NELL2: variants seen among roughly 807,000 people sequenced by gnomAD.
NELL2 encodes protein kinase C-binding protein NELL2.
NELL2 carries 41 observed loss-of-function variants against 109.6 expected under a neutral mutation model. The ratio of observed to expected loss-of-function variants is 0.37; its 90% CI spans 0.29 to 0.49. The LOEUF (loss-of-function observed/expected upper bound fraction) is 0.49, where lower values mean the gene tolerates loss of function less well. NELL2 is among the 20% of genes least tolerant of loss of function. The probability of loss-of-function intolerance (pLI) is 0.98; values close to 1 mark genes in which losing one functional copy is unlikely to be tolerated. For missense variants in NELL2, 900 were observed against 1,008.3 expected (o/e 0.89, Z 1.45); for synonymous variants, 355 against 344.7 (o/e 1.03, Z -0.33).
At chr12:44,561,044 A>G (rs1313453711) in intron 15 of NELL2, among the ~76,000 whole-genome samples, 1 of 152,184 alleles carries the variant, frequency 6.6e-6, no homozygotes, top group Non-Finnish European at 1.5e-5. Context: ...ATCAATAAAC[A>G]TAATCCATCA....
rs190558779 is a variant in NELL2 at position 44,911,814 on chromosome 12, G to T, written c.38+1985C>A. Among the ~76,000 whole-genome samples, 1,136 of 151,796 alleles carry T rather than the reference G, an allele frequency of 7.5e-3. 11 individuals are homozygous for T. The highest frequency in any genetic ancestry group is 0.014 in the Non-Finnish European group (953 of 67,860). On this transcript the variant is annotated intron_variant, in intron 1 of 20. Transcript: ENST00000333837. The stretch of plus-strand genomic sequence containing the variant: ...AATTCTAGGGGACCAAAAAGGAGGT[G>T]GTGACTAAATCTTTCTGTGAGAGTC...
chr12:44,587,922 C>A (rs148905801), intron 15 of NELL2, among the ~76,000 whole-genome samples: 13 of 152,100 alleles, frequency 8.5e-5, no homozygotes, highest in African/African-American at 3.1e-4. Flanking sequence ...GAGGCCAAGG[C>A]GGGCGGATCA....
intron 13 of NELL2, among the ~76,000 whole-genome samples, chr12:44,616,287 T>C (rs1015577612): frequency 2.0e-5 from 3 of 152,208 alleles, no homozygotes; most frequent in African/African-American, 7.2e-5. Context: ...CATCTTCTAC[T>C]CTTCTGTTCA....
In NELL2 at chr12:44,818,735, TTTTA is replaced by T. The variant is rs758556386; in HGVS notation, c.185-2603_185-2600del. Among the ~76,000 whole-genome samples the T allele has an allele frequency of 8.5e-3, 746 of 87,362 alleles. 70 individuals are homozygous for T. Among genetic ancestry groups the T allele is most frequent in the East Asian group, 0.03 (79 of 2,612 alleles). The allele number at this position is 87,362 out of a possible 152,430, so 57.3% of individuals were successfully genotyped here. ...ATATTTTGTTCACTTATTTTTTTTT[TTTTA>T]TTTTTTTTTTTTTTGAGACGGAGTC... On this transcript the variant is annotated intron_variant, in intron 2 of 19. Transcript: ENST00000429094.
chr12:44,856,868 C>A (rs1592662481), intron 2 of NELL2, among the ~76,000 whole-genome samples: 2 of 152,230 alleles, frequency 1.3e-5, no homozygotes, highest in Non-Finnish European at 2.9e-5. Context: ...ATCACTCTGG[C>A]AACTATGTGA....
chr12:44,876,112 G>A lies in NELL2; in HGVS notation c.-243C>T. 1 of 1,322,876 alleles carries A rather than the reference G, an allele frequency of 7.6e-7. No individual in the cohort carries two copies. The highest frequency in any genetic ancestry group is 9.6e-7 in the Non-Finnish European group (1 of 1,036,774). The allele number at this position is 1,322,876 out of a possible 1,614,324, so 81.9% of individuals were successfully genotyped here. A position where few individuals can be genotyped will look rare whatever the true frequency, so the allele number is the denominator to read the frequency against. The stretch of plus-strand genomic sequence containing the variant: ...CCACACGCAGGGCCGAGGCGGCAGC[G>A]CGGCCCGGAGGGGGCCCGGAGGGAG... On this transcript the variant is annotated 5_prime_UTR_variant, in exon 1 of 20. Coordinates refer to ENST00000429094, the MANE Select transcript of NELL2 (RefSeq NM_001145108.2).
chr12:44,781,435 G>A lies in NELL2; in HGVS notation c.336-1413C>T, dbSNP rs749175392. The stretch of plus-strand genomic sequence containing the variant: ...TCTAACATTTGTATCACTAGCATCC[G>A]AGAAAGAGAGGAGAAAGGAGGCGAG... On this transcript the variant is annotated intron_variant, in intron 3 of 19. Coordinates refer to ENST00000429094, the MANE Select transcript of NELL2 (RefSeq NM_001145108.2). 7.2e-5 allele frequency among the ~76,000 whole-genome samples: 11 copies of A among 152,090 alleles called. No individual in the cohort carries two copies. In the East Asian group the frequency reaches 7.7e-4, roughly 11 times the overall value.
intron 12 of NELL2, among the ~76,000 whole-genome samples, chr12:44,682,231 T>C (rs1229202950): frequency 1.3e-5 from 2 of 150,506 alleles, no homozygotes; most frequent in Non-Finnish European, 2.9e-5. Flanking sequence ...GAGAAGTGTC[T>C]GTTCATGTCC....
chr12:44,868,119 C>CAAAAAAA (rs34038469), intron 2 of NELL2, among the ~76,000 whole-genome samples: 10 of 64,666 alleles, frequency 1.5e-4, no homozygotes, highest in Middle Eastern at 0.015. Flanking sequence ...GGCTCCATCT[C>CAAAAAAA]AAAAAAAAAA....
At chr12:44,523,524 A>G (rs374706671) in intron 16 of NELL2, 40 bp from the exon 17 acceptor site, 1 of 1,587,934 alleles carries the variant, frequency 6.3e-7, no homozygotes, top group African/African-American at 1.3e-5. Context: ...TGCTTAGAAT[A>G]TGTGCAGTTT....
At chr12:44,513,537 T>A (rs1941097097) in intron 19 of NELL2, among the ~76,000 whole-genome samples, 2 of 151,838 alleles carry the variant, frequency 1.3e-5, no homozygotes, top group South Asian at 4.1e-4. Flanking sequence ...GATACAGTCA[T>A]AATGAATGAA....
At chr12:44,858,171 G>T (rs903682828) in intron 2 of NELL2, among the ~76,000 whole-genome samples, 7 of 152,128 alleles carry the variant, frequency 4.6e-5, no homozygotes, top group African/African-American at 7.2e-5. Context: ...TATGCCAATT[G>T]AGGCAGAAAT....
intron 15 of NELL2, among the ~76,000 whole-genome samples, chr12:44,556,618 AG>A (rs1943265003): frequency 6.6e-6 from 1 of 152,184 alleles, no homozygotes; most frequent in African/African-American, 2.4e-5. Context: ...CATGGATGTG[AG>A]GGGCTTTGTT....
intron 9 of NELL2, among the ~76,000 whole-genome samples, chr12:44,742,713 C>T (rs1242069627): frequency 3.3e-5 from 5 of 151,858 alleles, no homozygotes; most frequent in East Asian, 3.9e-4. Context: ...TGATGGAAGA[C>T]AAAATGAATG....
chr12:44,765,289 G>A (rs1009655055), intron 9 of NELL2, among the ~76,000 whole-genome samples: 12 of 152,148 alleles, frequency 7.9e-5, no homozygotes, highest in African/African-American at 2.9e-4. Context: ...AAGTATTTGT[G>A]AGACATCTCT....
At chr12:44,644,598 A>ATATG (rs1205991775) in intron 13 of NELL2, among the ~76,000 whole-genome samples, 1 of 99,472 alleles carries the variant, frequency 1.0e-5, no homozygotes, top group African/African-American at 4.5e-5. Context: ...ATATATATAT[A>ATATG]TATATGTATG....
chr12:44,777,353 C>A, intron 5 of NELL2, 39 bp from the exon 6 acceptor site: 1 of 1,517,572 alleles, frequency 6.6e-7, no homozygotes, highest in Non-Finnish European at 9.1e-7. Context: ...ATATTACTTT[C>A]ATTTACCCAA....
chr12:44,661,620 C>T (rs1448806336), intron 13 of NELL2, among the ~76,000 whole-genome samples: 2 of 152,042 alleles, frequency 1.3e-5, no homozygotes, highest in Non-Finnish European at 2.9e-5. Context: ...TTACTCAAGG[C>T]CAGTTCCAAG....
intron 15 of NELL2, among the ~76,000 whole-genome samples, chr12:44,566,717 T>G (rs1013017811): frequency 2.6e-5 from 4 of 152,234 alleles, no homozygotes; most frequent in Non-Finnish European, 5.9e-5. Context: ...CTAACTTTGC[T>G]GACAGAGTTT....
Sources: gnomAD v4.1 joint callset for allele counts (sites outside exome capture counted in the v4.1 genomes callset) on GRCh38, gnomAD v4.1.1 for gene constraint, MANE v1.5 for transcripts, NCBI Gene and HGNC (gene_info 2026-07-23, HGNC 2026-07-21) for gene names.